ATG10: variants seen among roughly 807,000 people sequenced by gnomAD.
The protein encoded by ATG10 is autophagy related 10.
In ATG10, 30 loss-of-function variants were observed where a neutral mutation model predicts 32.1. The ratio of observed to expected loss-of-function variants is 0.94; its 90% confidence interval spans 0.70 to 1.27. The LOEUF is 1.27. Among genes scored for constraint, ATG10 ranks in the 50% most tolerant of loss-of-function variants. The pLI, the probability that ATG10 is intolerant of heterozygous loss-of-function variation, is 0.00. For synonymous variants in ATG10, 87 were observed against 91.5 expected (o/e 0.95, Z 0.28); for missense variants, 233 against 262.3 (o/e 0.89, Z 0.77).
intron 4 of ATG10, among the ~76,000 whole-genome samples, chr5:82,170,800 T>C (rs1356197080): frequency 6.6e-6 from 1 of 151,390 alleles, no homozygotes; most frequent in Non-Finnish European, 1.5e-5. Context: ...CAAAAAAAAA[T>C]AGCTAGGCAT....
At chr5:82,034,123 T>A (rs565172990) in intron 2 of ATG10, among the ~76,000 whole-genome samples, 1 of 151,868 alleles carries the variant, frequency 6.6e-6, no homozygotes, top group African/African-American at 2.4e-5. Flanking sequence ...TTAGTGCCTA[T>A]CATGAACTTC....
intron 5 of ATG10, among the ~76,000 whole-genome samples, chr5:82,188,299 T>C (rs1226396454): frequency 5.9e-5 from 9 of 152,224 alleles, no homozygotes; most frequent in Admixed American, 2.0e-4. Flanking sequence ...AGAATATTGC[T>C]TAGCTTTTTA....
At chr5:81,985,863 C>T (rs1032527013) in intron 1 of ATG10, among the ~76,000 whole-genome samples, 4 of 152,142 alleles carry the variant, frequency 2.6e-5, no homozygotes, top group East Asian at 1.9e-4. Context: ...CCCGGGTTCC[C>T]GCCATTCTCC....
intron 3 of ATG10, among the ~76,000 whole-genome samples, chr5:82,156,803 T>C (rs1186022934): frequency 6.6e-6 from 1 of 152,242 alleles, no homozygotes; most frequent in African/African-American, 2.4e-5. Flanking sequence ...CTTTTACTTT[T>C]AGATGTATAG....
chr5:82,197,633 T>G (rs1744910359), intron 5 of ATG10, among the ~76,000 whole-genome samples: 1 of 152,116 alleles, frequency 6.6e-6, no homozygotes, highest in Non-Finnish European at 1.5e-5. Context: ...AGTCGTTTTC[T>G]TCCCACCCAC....
chr5:82,176,905 T>C (rs1561341305), intron 4 of ATG10, among the ~76,000 whole-genome samples: 1 of 152,190 alleles, frequency 6.6e-6, no homozygotes, highest in Non-Finnish European at 1.5e-5. Flanking sequence ...AATATTCTAT[T>C]GCTATTTATT....
chr5:82,231,589 C>T (rs1561370027), intron 5 of ATG10, among the ~76,000 whole-genome samples: 2 of 152,012 alleles, frequency 1.3e-5, no homozygotes, highest in African/African-American at 2.4e-5. Flanking sequence ...GGGGAAAATG[C>T]CTCATAGTAG....
At chr5:82,067,975 G>A (rs779810901) in intron 3 of ATG10, among the ~76,000 whole-genome samples, 18 of 152,078 alleles carry the variant, frequency 1.2e-4, no homozygotes, top group Admixed American at 6.6e-4. Context: ...TACAAAAATC[G>A]GACAGGCTTT....
intron 1 of ATG10, among the ~76,000 whole-genome samples, chr5:81,979,433 C>G (rs1279181810): frequency 1.3e-5 from 2 of 152,022 alleles, no homozygotes; most frequent in African/African-American, 2.4e-5. Context: ...GAGGCTGAGG[C>G]AGGAGAATGG....
chr5:82,070,953 C>T (rs143993009), intron 3 of ATG10, among the ~76,000 whole-genome samples: 182 of 152,248 alleles, frequency 1.2e-3, no homozygotes, highest in African/African-American at 4.2e-3. Flanking sequence ...TTCTTGACCA[C>T]GTTGTAACAT....
chr5:82,164,231 A>G (rs1192227445), intron 3 of ATG10, among the ~76,000 whole-genome samples, 168 bp from the exon 4 acceptor site: 1 of 152,172 alleles, frequency 6.6e-6, no homozygotes, highest in Non-Finnish European at 1.5e-5. Context: ...CTATTTACCC[A>G]GGACTCAAAT....
intron 2 of ATG10, chr5:82,009,784 C>T: frequency 8.1e-6 from 13 of 1,607,222 alleles, no homozygotes; most frequent in East Asian, 2.2e-5. Context: ...GTGTTGGGTC[C>T]AGCATTTGCC....
intron 5 of ATG10, among the ~76,000 whole-genome samples, chr5:82,215,179 G>A (rs1745629392): frequency 6.6e-6 from 1 of 152,152 alleles, no homozygotes; most frequent in African/African-American, 2.4e-5. Context: ...GTTCCTCACA[G>A]GCTCTTGGAC....
At chr5:82,010,263 A>G (rs1762094235) in intron 2 of ATG10, among the ~76,000 whole-genome samples, 1 of 152,204 alleles carries the variant, frequency 6.6e-6, no homozygotes, top group Non-Finnish European at 1.5e-5. Flanking sequence ...CCTTAATACA[A>G]TTGTGATTAT....
At chr5:82,058,981 AT>A (rs925891229) in intron 3 of ATG10, among the ~76,000 whole-genome samples, 1 of 151,408 alleles carries the variant, frequency 6.6e-6, no homozygotes, top group South Asian at 2.1e-4. Flanking sequence ...TTGTCTATTG[AT>A]TTTTTTTTCC....
At chr5:82,220,598 CT>C (rs1745880785) in intron 5 of ATG10, among the ~76,000 whole-genome samples, 1 of 149,526 alleles carries the variant, frequency 6.7e-6, no homozygotes, top group African/African-American at 2.5e-5. Flanking sequence ...TGTGTTTTAA[CT>C]TCTCTCCCTC....
chr5:82,164,407 C>A lies in ATG10; in HGVS notation c.225C>A (p.Phe75Leu), dbSNP rs748460655. 2 of 1,613,258 alleles carry A rather than the reference C, an allele frequency of 1.2e-6. No individual in the cohort carries two copies. Residue 75 changes from phenylalanine to leucine, a missense_variant, in exon 4 of 8, where the codon TTC becomes TTA. Coordinates refer to ENST00000282185, the MANE Select transcript of ATG10 (RefSeq NM_031482.5). The stretch of plus-strand genomic sequence containing the variant: ...TTTTTGCTTTTTTTTAGGAGGCTTT[C>A]GAGCTACCCTTGGATGATTGTGAAG... ...GQTCLPMEEAFELPLDDCEVI... is the reference protein window; with the variant it reads ...GQTCLPMEEALELPLDDCEVI...
At chr5:82,190,688 G>A (rs1445068592) in intron 5 of ATG10, among the ~76,000 whole-genome samples, 3 of 146,056 alleles carry the variant, frequency 2.1e-5, no homozygotes, top group Non-Finnish European at 4.5e-5. Context: ...GGAGAATGGT[G>A]TGAACCCAGG....
At chr5:82,232,468 C>A (rs1172198003) in intron 5 of ATG10, among the ~76,000 whole-genome samples, 1 of 152,128 alleles carries the variant, frequency 6.6e-6, no homozygotes, top group Non-Finnish European at 1.5e-5. Flanking sequence ...GCCATTCCTC[C>A]AAATAAATTT....
Sources: allele counts gnomAD v4.1 joint callset (sites outside exome capture counted in the v4.1 genomes callset), GRCh38; gene constraint gnomAD v4.1.1; transcripts MANE v1.5; gene names NCBI Gene and HGNC (gene_info 2026-07-23, HGNC 2026-07-21).